CNTN4: variants seen among roughly 807,000 people sequenced by gnomAD.
CNTN4 encodes contactin 4.
CNTN4 carries 77 observed loss-of-function variants against 122.5 expected under a neutral mutation model. That is an observed-to-expected ratio of 0.63 (90% CI 0.52 to 0.76). CNTN4 has a LOEUF of 0.76. Ranked by LOEUF, CNTN4 falls within the 30% of genes least tolerant of loss-of-function variation. CNTN4 has a pLI of 0.00. For missense variants in CNTN4, 1,256 were observed against 1,259.1 expected, an observed-to-expected ratio of 1.00 and a Z score of 0.04; for synonymous variants, 512 against 447.0, an observed-to-expected ratio of 1.15 and a Z score of -1.83.
intron 2 of CNTN4, among the ~76,000 whole-genome samples, chr3:2,167,735 T>G (rs1408075170): frequency 6.6e-6 from 1 of 152,202 alleles, no homozygotes; most frequent in African/African-American, 2.4e-5. Flanking sequence ...AATGAAAACA[T>G]TCGAACAAAA....
chr3:2,699,040 C>G (rs543094157), intron 4 of CNTN4, among the ~76,000 whole-genome samples: 12 of 151,668 alleles, frequency 7.9e-5, no homozygotes, highest in African/African-American at 2.7e-4. Flanking sequence ...AAAAAAGAAC[C>G]TGGGATTGTT....
At chr3:2,180,948 G>C (rs2036986162) in intron 2 of CNTN4, among the ~76,000 whole-genome samples, 1 of 151,986 alleles carries the variant, frequency 6.6e-6, no homozygotes, top group Admixed American at 6.6e-5. Flanking sequence ...GTCAAATATT[G>C]CCTAGCCATC....
chr3:2,630,495 CAT>C (rs2082382256), intron 4 of CNTN4, among the ~76,000 whole-genome samples: 1 of 152,164 alleles, frequency 6.6e-6, no homozygotes, highest in Non-Finnish European at 1.5e-5. Context: ...CTTACTAAAA[CAT>C]ATACTTAAGG....
At chr3:2,451,230 A>G (rs2048818449) in intron 3 of CNTN4, among the ~76,000 whole-genome samples, 1 of 152,138 alleles carries the variant, frequency 6.6e-6, no homozygotes, top group Non-Finnish European at 1.5e-5. Context: ...TCTGAATTTA[A>G]TTTTTATTAA....
chr3:2,603,478 C>T (rs1261703177), intron 4 of CNTN4, among the ~76,000 whole-genome samples: 4 of 152,092 alleles, frequency 2.6e-5, no homozygotes, highest in Non-Finnish European at 5.9e-5. Context: ...GAAAATAATG[C>T]TGGCAGTCTG....
chr3:2,774,986 C>T (rs537171817), intron 6 of CNTN4, among the ~76,000 whole-genome samples: 1 of 152,216 alleles, frequency 6.6e-6, no homozygotes, highest in African/African-American at 2.4e-5. Context: ...TTCAGCTTCG[C>T]AAAAGGCTAG....
At chr3:2,739,421 G>A (rs554043687) in intron 5 of CNTN4, among the ~76,000 whole-genome samples, 4 of 152,196 alleles carry the variant, frequency 2.6e-5, no homozygotes, top group African/African-American at 7.2e-5. Flanking sequence ...TGGTATGTTC[G>A]TACAAGGTAA....
intron 4 of CNTN4, among the ~76,000 whole-genome samples, chr3:2,688,250 C>T (rs529640530): frequency 6.6e-6 from 1 of 152,036 alleles, no homozygotes; most frequent in Admixed American, 6.5e-5. Context: ...GCTATTTTTT[C>T]AGTATTTTCC....
intron 4 of CNTN4, among the ~76,000 whole-genome samples, chr3:2,686,648 T>C (rs995504971): frequency 6.6e-6 from 1 of 152,140 alleles, no homozygotes; most frequent in African/African-American, 2.4e-5. Flanking sequence ...ACTATTTGTG[T>C]GTGTGTCTGT....
intron 6 of CNTN4, among the ~76,000 whole-genome samples, chr3:2,819,194 C>T (rs901209260): frequency 6.6e-6 from 1 of 152,134 alleles, no homozygotes; most frequent in Non-Finnish European, 1.5e-5. Flanking sequence ...CTACTGAGCA[C>T]TTGAAATGTG....
chr3:3,027,060 TC>T (rs1698785992), intron 15 of CNTN4, among the ~76,000 whole-genome samples: 1 of 152,130 alleles, frequency 6.6e-6, no homozygotes, highest in Non-Finnish European at 1.5e-5. Flanking sequence ...TCTCCCCACT[TC>T]CTAGGCTGCT....
chr3:3,038,779 G>T (rs773270923), intron 18 of CNTN4, among the ~76,000 whole-genome samples, 154 bp from the exon 19 acceptor site: 1 of 129,490 alleles, frequency 7.7e-6, no homozygotes, highest in Non-Finnish European at 1.7e-5. Context: ...AGCGGTCGCC[G>T]TGGGCCCCTT....
chr3:2,429,210 G>A (rs950730871), intron 3 of CNTN4, among the ~76,000 whole-genome samples: 2 of 152,136 alleles, frequency 1.3e-5, no homozygotes, highest in Non-Finnish European at 2.9e-5. Flanking sequence ...CATCTTTGTG[G>A]TTTTATCTAC....
At chr3:2,593,233 T>C (rs1464635347) in intron 4 of CNTN4, among the ~76,000 whole-genome samples, 1 of 152,230 alleles carries the variant, frequency 6.6e-6, no homozygotes, top group Non-Finnish European at 1.5e-5. Flanking sequence ...ATTTTGGTGG[T>C]TGTTGACTGG....
chr3:2,755,205 T>C (rs2090278160), intron 6 of CNTN4, among the ~76,000 whole-genome samples: 1 of 152,180 alleles, frequency 6.6e-6, no homozygotes, highest in Non-Finnish European at 1.5e-5. Context: ...ATCAGAACAG[T>C]AGCTGGGAGT....
chr3:2,466,168 G>A (rs1183954390), intron 3 of CNTN4, among the ~76,000 whole-genome samples: 3 of 152,136 alleles, frequency 2.0e-5, no homozygotes, highest in Admixed American at 6.5e-5. Flanking sequence ...TTTAAAACAG[G>A]CATTTATATT....
At chr3:2,273,451 C>T (rs1439388526) in intron 2 of CNTN4, among the ~76,000 whole-genome samples, 1 of 152,116 alleles carries the variant, frequency 6.6e-6, no homozygotes, top group African/African-American at 2.4e-5. Context: ...TTTTCTTGTA[C>T]TATTGATGTC....
At chr3:2,741,306 G>A (rs529926666) in intron 5 of CNTN4, among the ~76,000 whole-genome samples, 58 of 152,334 alleles carry the variant, frequency 3.8e-4, no homozygotes, top group African/African-American at 1.1e-3. Context: ...TCAGGATGGC[G>A]AAGGTAGATG....
chr3:2,289,589 T>C (rs911029036), intron 2 of CNTN4, among the ~76,000 whole-genome samples: 1 of 152,196 alleles, frequency 6.6e-6, no homozygotes, highest in African/African-American at 2.4e-5. Context: ...GGGAGGAAGA[T>C]TGGATTACAT....
Sources: gnomAD v4.1 joint callset for allele counts (sites outside exome capture counted in the v4.1 genomes callset) on GRCh38, gnomAD v4.1.1 for gene constraint, MANE v1.5 for transcripts, NCBI Gene and HGNC (gene_info 2026-07-23, HGNC 2026-07-21) for gene names.